IL23R: variants seen among roughly 807,000 people sequenced by gnomAD.
IL23R encodes the protein interleukin-23 receptor.
IL23R carries 34 observed loss-of-function variants against 56.9 expected under a neutral mutation model. The ratio of observed to expected loss-of-function variants is 0.60; its 90% CI spans 0.45 to 0.80. IL23R has a LOEUF of 0.80. Ranked by LOEUF, IL23R falls within the 30% of genes least tolerant of loss-of-function variation. IL23R has a pLI of 0.00. For missense variants in IL23R, 635 were observed against 730.0 expected, an observed-to-expected ratio of 0.87 and a Z score of 1.50; for synonymous variants, 230 against 249.2, an observed-to-expected ratio of 0.92 and a Z score of 0.73.
Position 67,219,556 on chromosome 1 carries a change from G to T in IL23R, c.799-18G>T. 6.2e-7 allele frequency: 1 copy of T among 1,610,604 alleles called. No individual in the cohort carries two copies. The highest frequency in any genetic ancestry group is 8.5e-7 in the Non-Finnish European group (1 of 1,177,604). ...TAAAAGCACACCACATTTTATTATT[G>T]TTACCCATCCATTTTAGGTTAAAGA... On this transcript the variant is annotated intron_variant, in intron 6 of 10. Coordinates refer to ENST00000347310, the MANE Select transcript of IL23R (RefSeq NM_144701.3).
downstream of IL23R, among the ~76,000 whole-genome samples, chr1:67,260,879 G>A (rs973376530): frequency 1.4e-4 from 22 of 151,872 alleles, no homozygotes; most frequent in Non-Finnish European, 2.4e-4. Flanking sequence ...GCAAGACCCC[G>A]TCTCTAAAAA....
intron 7 of IL23R, among the ~76,000 whole-genome samples, chr1:67,221,150 A>G (rs866944647): frequency 4.6e-5 from 7 of 152,202 alleles, no homozygotes; most frequent in Middle Eastern, 3.4e-3. Flanking sequence ...GCAAAATCCC[A>G]TCTCTACTGA....
At chr1:67,232,716 T>C (rs1651177890) in intron 7 of IL23R, among the ~76,000 whole-genome samples, 1 of 152,180 alleles carries the variant, frequency 6.6e-6, no homozygotes, top group African/African-American at 2.4e-5. Context: ...AAATGGTCAC[T>C]TTAAAAGGAT....
intron 6 of IL23R, among the ~76,000 whole-genome samples, chr1:67,209,291 A>G (rs926705690): frequency 1.3e-5 from 2 of 152,188 alleles, no homozygotes; most frequent in Non-Finnish European, 2.9e-5. Flanking sequence ...TTGGGAAGGC[A>G]TAGTTGGTTT....
intron 4 of IL23R, among the ~76,000 whole-genome samples, chr1:67,183,736 C>G (rs1647198311): frequency 6.6e-6 from 1 of 152,054 alleles, no homozygotes; most frequent in African/African-American, 2.4e-5. Flanking sequence ...CATATTACCA[C>G]TAAATTCATG....
chr1:67,224,867 T>C (rs1446163479), intron 7 of IL23R, among the ~76,000 whole-genome samples: 4 of 152,226 alleles, frequency 2.6e-5, no homozygotes, highest in Non-Finnish European at 4.4e-5. Context: ...TACTAAGTGT[T>C]GGGCATTTTG....
At chr1:67,190,445 CA>C (rs56249144) in intron 4 of IL23R, among the ~76,000 whole-genome samples, 6 of 145,406 alleles carry the variant, frequency 4.1e-5, no homozygotes, top group Admixed American at 1.4e-4. Flanking sequence ...AAAAAAAAAC[CA>C]AAAAAAAAAC....
intron 1 of IL23R, among the ~76,000 whole-genome samples, chr1:67,152,807 C>T (rs749079230): frequency 1.3e-5 from 2 of 152,262 alleles, no homozygotes; most frequent in Non-Finnish European, 1.5e-5. Context: ...CCAACTTGGT[C>T]GTGGTGGATA....
chr1:67,150,688 T>A (rs1646720969), intron 1 of IL23R, among the ~76,000 whole-genome samples: 1 of 151,372 alleles, frequency 6.6e-6, no homozygotes, highest in African/African-American at 2.4e-5. Context: ...AAATGCCTGT[T>A]ATCCAGATAG....
At chr1:67,169,090 G>A (rs931586301) in intron 2 of IL23R, among the ~76,000 whole-genome samples, 1 of 140,082 alleles carries the variant, frequency 7.1e-6, no homozygotes, top group African/African-American at 2.7e-5. Context: ...GCAGTGAGCC[G>A]AGATCGCAAC....
At chr1:67,235,276 C>T (rs867222844) in intron 7 of IL23R, among the ~76,000 whole-genome samples, 2 of 152,316 alleles carry the variant, frequency 1.3e-5, no homozygotes, top group African/African-American at 4.8e-5. Flanking sequence ...ACAAAAAACA[C>T]GGGAAATAAC....
Position 67,197,328 on chromosome 1 carries a change from T to G in IL23R, c.492-3409T>G, listed in dbSNP as rs192984376. 1.8e-4 allele frequency among the ~76,000 whole-genome samples: 28 copies of G among 152,174 alleles called. No homozygotes were observed. The East Asian group carries it at 5.2e-3, about 28-fold the overall frequency. ...TTAAAAGAGCAGTTTCAAGGAAAAGTAAAGGCAAAGATCACAATAAAAGGA... is the reference window on the plus strand; with the variant it reads ...TTAAAAGAGCAGTTTCAAGGAAAAGGAAAGGCAAAGATCACAATAAAAGGA... On this transcript the variant is annotated intron_variant, in intron 4 of 10. Coordinates refer to ENST00000347310, the MANE Select transcript of IL23R (RefSeq NM_144701.3).
chr1:67,230,737 T>C (rs1306031873), intron 7 of IL23R, among the ~76,000 whole-genome samples: 8 of 152,206 alleles, frequency 5.3e-5, no homozygotes, highest in Non-Finnish European at 1.2e-4. Flanking sequence ...GACTTGTTTT[T>C]CAAGGTGTGG....
chr1:67,177,622 A>T (rs1012836516), intron 3 of IL23R, among the ~76,000 whole-genome samples: 1 of 151,506 alleles, frequency 6.6e-6, no homozygotes, highest in African/African-American at 2.4e-5. Context: ...CTTTAGTTTA[A>T]TTAGATCCCA....
chr1:67,175,322 C>T (rs1359551637), intron 3 of IL23R, among the ~76,000 whole-genome samples: 1 of 152,060 alleles, frequency 6.6e-6, no homozygotes, highest in Non-Finnish European at 1.5e-5. Context: ...TTTAAAAAAA[C>T]CTTGTTGTGT....
the IL23R span, among the ~76,000 whole-genome samples, chr1:67,265,074 G>A: frequency 6.6e-6 from 1 of 152,172 alleles, no homozygotes; most frequent in South Asian, 2.1e-4. Flanking sequence ...GACTGTCAGA[G>A]CACAGGAAGG....
At chr1:67,149,557 T>G (rs1009600952) in intron 1 of IL23R, among the ~76,000 whole-genome samples, 1 of 152,120 alleles carries the variant, frequency 6.6e-6, no homozygotes, top group Non-Finnish European at 1.5e-5. Flanking sequence ...CTATCAAGTG[T>G]CTTACATGTT....
intron 7 of IL23R, among the ~76,000 whole-genome samples, chr1:67,234,529 C>A (rs1651329672): frequency 6.6e-6 from 1 of 152,094 alleles, no homozygotes. Flanking sequence ...GTAGTTTATA[C>A]AACAGAATTA....
intron 6 of IL23R, among the ~76,000 whole-genome samples, chr1:67,208,532 C>A (rs1558244429): frequency 6.6e-6 from 1 of 152,236 alleles, no homozygotes; most frequent in Non-Finnish European, 1.5e-5. Context: ...GGCCAACATC[C>A]AGCTTGGGCT....
Sources: gnomAD v4.1 joint callset for allele counts (sites outside exome capture counted in the v4.1 genomes callset) on GRCh38, gnomAD v4.1.1 for gene constraint, MANE v1.5 for transcripts, NCBI Gene and HGNC (gene_info 2026-07-23, HGNC 2026-07-21) for gene names.